Variants in CXADR observed in about 807,000 individuals in gnomAD.
CXADR encodes CXADR cell adhesion molecule, also known as coxsackievirus and adenovirus receptor.
CXADR carries 20 observed loss-of-function variants against 40.3 expected under a neutral mutation model. The ratio of observed to expected loss-of-function variants is 0.50; its 90% CI spans 0.35 to 0.72. The LOEUF (loss-of-function observed/expected upper bound fraction) is 0.72, where lower values mean the gene tolerates loss of function less well. CXADR is among the 30% of genes least tolerant of loss of function. The probability of loss-of-function intolerance (pLI) is 0.01; values close to 1 mark genes in which losing one functional copy is unlikely to be tolerated. For missense variants in CXADR, 332 were observed against 449.1 expected, an observed-to-expected ratio of 0.74 and a Z score of 2.36; for synonymous variants, 150 against 161.3, an observed-to-expected ratio of 0.93 and a Z score of 0.53.
intron 1 of CXADR, among the ~76,000 whole-genome samples, chr21:17,538,057 A>G (rs924330356): frequency 1.3e-5 from 2 of 151,358 alleles, no homozygotes; most frequent in Admixed American, 6.6e-5. Flanking sequence ...GCTGGAGTGC[A>G]GTGGTGCGAC....
intron 1 of CXADR, among the ~76,000 whole-genome samples, chr21:17,518,244 A>G (rs1227462133): frequency 6.6e-6 from 1 of 152,126 alleles, no homozygotes; most frequent in Non-Finnish European, 1.5e-5. Flanking sequence ...ATAAGCAAAC[A>G]TACACCAAAA....
chr21:17,538,068 C>T (rs1210540248), intron 1 of CXADR, among the ~76,000 whole-genome samples: 1 of 151,740 alleles, frequency 6.6e-6, no homozygotes, highest in Non-Finnish European at 1.5e-5. Context: ...GTGGTGCGAC[C>T]TCGGCTCACT....
At chr21:17,519,038 C>A (rs1205158737) in intron 1 of CXADR, 16 of 1,401,050 alleles carry the variant, frequency 1.1e-5, no homozygotes, top group South Asian at 1.0e-4. Flanking sequence ...AGCACCAGCA[C>A]GCGGCAAGAG....
Position 17,559,115 on chromosome 21 carries a change from C to A in CXADR, c.555C>A (p.Pro185=). 6.2e-7 allele frequency: 1 copy of A among 1,614,000 alleles called. No homozygotes were observed. The highest frequency in any genetic ancestry group is 8.5e-7 in the Non-Finnish European group (1 of 1,179,968). The change falls in exon 4 of 7, where the codon CCC becomes CCA. Residue 185 remains proline, a synonymous_variant. Coordinates refer to ENST00000284878, the MANE Select transcript of CXADR (RefSeq NM_001338.5). ...WQKLSDSQKM[P]TSWLAEMTSS... ...AATTGTCTGACTCACAGAAAATGCC[C>A]ACTTCATGGTTAGCAGGTACTGCTG...
the CXADR span, among the ~76,000 whole-genome samples, chr21:17,625,375 T>C: frequency 6.6e-6 from 1 of 152,200 alleles, no homozygotes; most frequent in Non-Finnish European, 1.5e-5. Context: ...AGGAGAATTC[T>C]AATGTTGCCA....
chr21:17,568,429 A>T lies in CXADR; in HGVS notation c.*2737A>T. On this transcript the variant is annotated 3_prime_UTR_variant, in exon 7 of 7. Coordinates refer to ENST00000284878, the MANE Select transcript of CXADR (RefSeq NM_001338.5). ...AGGCGTGAACCACTGCACCCGGCCC[A>T]GTACTGCATCTTAACAGCAAAGCCA... is the stretch of plus-strand genomic sequence containing the variant. The T allele has an allele frequency of 1.0e-6, 1 of 985,270 alleles. No individual in the cohort carries two copies. 61.0% of individuals were successfully genotyped at this position (985,270 alleles called of 1,614,324 possible). A position where few individuals can be genotyped will look rare whatever the true frequency, so the allele number is the denominator to read the frequency against.
At chr21:17,632,717 A>G in the CXADR span, among the ~76,000 whole-genome samples, 1 of 152,140 alleles carries the variant, frequency 6.6e-6, no homozygotes, top group Non-Finnish European at 1.5e-5. Flanking sequence ...AATACAAAAA[A>G]TATTAGCCGG....
At chr21:17,545,247 A>G (rs1405217876) in intron 1 of CXADR, among the ~76,000 whole-genome samples, 1 of 151,968 alleles carries the variant, frequency 6.6e-6, no homozygotes, top group East Asian at 1.9e-4. Flanking sequence ...TTGCTCTTCA[A>G]CAGAAAGTAG....
At chr21:17,571,701 A>C (rs1047237807), downstream of CXADR, among the ~76,000 whole-genome samples, 1 of 152,228 alleles carries the variant, frequency 6.6e-6, no homozygotes, top group Non-Finnish European at 1.5e-5. Context: ...TTTGTTACTT[A>C]GATGATTTTT....
chr21:17,595,679 TCTTA>T (rs1255790910), downstream of CXADR, among the ~76,000 whole-genome samples: 3 of 151,958 alleles, frequency 2.0e-5, no homozygotes, highest in African/African-American at 4.8e-5. Context: ...GTTTTCAGTC[TCTTA>T]CTATTAAAAA....
chr21:17,575,746 G>T (rs569328699), intron 7 of CXADR, among the ~76,000 whole-genome samples: 8 of 151,024 alleles, frequency 5.3e-5, no homozygotes, highest in African/African-American at 1.9e-4. Context: ...ACCCACCTCA[G>T]CCTCCCAAAG....
chr21:17,559,678 T>TG (rs2061086288), intron 4 of CXADR, among the ~76,000 whole-genome samples: 2 of 144,764 alleles, frequency 1.4e-5, no homozygotes, highest in Admixed American at 7.0e-5. Context: ...GGTTTTTTTT[T>TG]TTTTTTTTTT....
chr21:17,611,178 T>C, the CXADR span, among the ~76,000 whole-genome samples: 1 of 152,112 alleles, frequency 6.6e-6, no homozygotes, highest in Non-Finnish European at 1.5e-5. Flanking sequence ...TCCACCACGA[T>C]ACGATGGAAA....
chr21:17,617,339 A>C, the CXADR span, among the ~76,000 whole-genome samples: 1 of 152,170 alleles, frequency 6.6e-6, no homozygotes, highest in African/African-American at 2.4e-5. Context: ...ATACTCTCCT[A>C]TTCTCCATGC....
intron 1 of CXADR, among the ~76,000 whole-genome samples, chr21:17,516,783 A>G (rs766636052): frequency 2.0e-5 from 3 of 149,354 alleles, no homozygotes; most frequent in East Asian, 2.0e-4. Flanking sequence ...ACAATGTATT[A>G]TATTTTTGAA....
At chr21:17,623,937 A>T in the CXADR span, among the ~76,000 whole-genome samples, 1 of 152,320 alleles carries the variant, frequency 6.6e-6, no homozygotes, top group Middle Eastern at 3.4e-3. Context: ...TCCTATGTCC[A>T]TTGTAATTTC....
At chr21:17,591,212 T>A (rs879516716) in intron 7 of CXADR, among the ~76,000 whole-genome samples, 7 of 152,038 alleles carry the variant, frequency 4.6e-5, no homozygotes, top group Admixed American at 3.9e-4. Flanking sequence ...ATTATTTAGT[T>A]TTCTGTGATC....
At chr21:17,550,605 T>G (rs1330863380) in intron 2 of CXADR, among the ~76,000 whole-genome samples, 1 of 152,242 alleles carries the variant, frequency 6.6e-6, no homozygotes, top group East Asian at 1.9e-4. Context: ...ATCACTGCTC[T>G]TTGGCCCATG....
At chr21:17,598,396 T>C (rs1040619909), downstream of CXADR, among the ~76,000 whole-genome samples, 1 of 152,208 alleles carries the variant, frequency 6.6e-6, no homozygotes, top group African/African-American at 2.4e-5. Flanking sequence ...TTCTGAAATA[T>C]ATTTATCCTA....
Sources: allele counts gnomAD v4.1 joint callset (sites outside exome capture counted in the v4.1 genomes callset), GRCh38; gene constraint gnomAD v4.1.1; transcripts MANE v1.5; gene names NCBI Gene and HGNC (gene_info 2026-07-23, HGNC 2026-07-21).